DIP2C: variants seen among roughly 807,000 people sequenced by gnomAD.
DIP2C encodes disco-interacting protein 2 homolog C.
A neutral mutation model predicts 192.4 loss-of-function variants in DIP2C; 33 were observed. That is an observed-to-expected ratio of 0.17 (90% CI 0.13 to 0.23). DIP2C has a LOEUF of 0.23. Ranked by LOEUF, DIP2C falls within the 10% of genes least tolerant of loss-of-function variation. DIP2C has a pLI of 1.00. For missense variants in DIP2C, 1,537 were observed against 2,110.1 expected, an observed-to-expected ratio of 0.73 and a Z score of 5.32; for synonymous variants, 979 against 864.1, an observed-to-expected ratio of 1.13 and a Z score of -2.33.
chr10:414,404 G>A (rs945510327), intron 7 of DIP2C, among the ~76,000 whole-genome samples: 11 of 152,124 alleles, frequency 7.2e-5, no homozygotes, highest in Non-Finnish European at 5.9e-5. Flanking sequence ...CCCAGAGGCT[G>A]GAATTCAAAC....
At chr10:386,216 C>T (rs1296856650) in intron 14 of DIP2C, among the ~76,000 whole-genome samples, 1 of 152,218 alleles carries the variant, frequency 6.6e-6, no homozygotes. Context: ...GAATCACATG[C>T]GTCAAACGTG....
intron 23 of DIP2C, 106 bp downstream of exon 23, chr10:357,722 A>C: frequency 1.2e-6 from 1 of 802,704 alleles, no homozygotes; most frequent in Non-Finnish European, 2.0e-6. Context: ...GCGGACTGTC[A>C]GGGAAGGTAG....
chr10:494,184 T>C (rs574043440), intron 1 of DIP2C, among the ~76,000 whole-genome samples: 19 of 152,142 alleles, frequency 1.2e-4, no homozygotes, highest in Non-Finnish European at 2.6e-4. Flanking sequence ...ACAAGAGAAC[T>C]GCTAAGGCTA....
At chr10:353,937 G>C (rs1373876424) in intron 24 of DIP2C, among the ~76,000 whole-genome samples, 1 of 152,348 alleles carries the variant, frequency 6.6e-6, no homozygotes, top group Non-Finnish European at 1.5e-5. Context: ...TGCTGAACAG[G>C]GAAGCTGATT....
chr10:654,235 C>T (rs1172232327), intron 1 of DIP2C, among the ~76,000 whole-genome samples: 1 of 152,146 alleles, frequency 6.6e-6, no homozygotes, highest in Non-Finnish European at 1.5e-5. Flanking sequence ...TGATCTCATG[C>T]TAATCAGTGT....
chr10:327,062 G>A lies in DIP2C; in HGVS notation c.3868C>T (p.Pro1290Ser), dbSNP rs1227007365. 2.5e-6 allele frequency: 4 copies of A among 1,614,068 alleles called. No individual in the cohort carries two copies. Among genetic ancestry groups the A allele is most frequent in the East Asian group, 2.2e-5 (1 of 44,894 alleles). Residue 1290 changes from proline (P) to serine (S), a missense_variant, in exon 31 of 37, where the codon CCG becomes TCG. By Grantham distance (74) the Pro-to-Ser change is moderately conservative. Around this residue, in one of 4 missense-constraint regions of DIP2C, gnomAD observed 341 missense variants for 551.7 expected, o/e 0.62. Coordinates refer to ENST00000280886, the MANE Select transcript of DIP2C (RefSeq NM_014974.3). ...SKLFKDLGLH[P>S]RAVSTSFGCR... ...CCGAACGAGGTGCTGACGGCCCGCG[G>A]GTGAAGGCCCAGGTCCTTAAACAGC...
At chr10:394,714 CCA>C (rs1963826549) in intron 10 of DIP2C, among the ~76,000 whole-genome samples, 2 of 144,638 alleles carry the variant, frequency 1.4e-5, no homozygotes, top group Non-Finnish European at 3.0e-5. Context: ...GGACGCTAGG[CCA>C]CACAGTGGGC....
At chr10:384,879 G>A (rs1962742930) in intron 14 of DIP2C, among the ~76,000 whole-genome samples, 1 of 152,048 alleles carries the variant, frequency 6.6e-6, no homozygotes, top group African/African-American at 2.4e-5. Flanking sequence ...AGACTGCACA[G>A]GCCCCCAGGG....
At chr10:336,971 T>C (rs200668788) in intron 29 of DIP2C, among the ~76,000 whole-genome samples, 2 of 65,784 alleles carry the variant, frequency 3.0e-5, no homozygotes, top group Non-Finnish European at 4.1e-5. Flanking sequence ...TGTGGAGGCC[T>C]AGGCAGCTGT....
At chr10:509,655 C>T (rs1253077752) in intron 1 of DIP2C, among the ~76,000 whole-genome samples, 1 of 152,140 alleles carries the variant, frequency 6.6e-6, no homozygotes, top group South Asian at 2.1e-4. Context: ...CTCGTCCAGA[C>T]GAGAGAGAGG....
At chr10:382,366 A>G (rs1029045891) in intron 17 of DIP2C, among the ~76,000 whole-genome samples, 4 of 152,226 alleles carry the variant, frequency 2.6e-5, no homozygotes, top group Non-Finnish European at 5.9e-5. Context: ...AGTAAATTCC[A>G]AGGACACGGT....
chr10:640,873 C>G (rs1855156186), intron 1 of DIP2C, among the ~76,000 whole-genome samples: 1 of 152,054 alleles, frequency 6.6e-6, no homozygotes, highest in Admixed American at 6.5e-5. Flanking sequence ...GTTGGCCAAG[C>G]CACAGAGACA....
chr10:629,076 G>A (rs372796203), intron 1 of DIP2C, among the ~76,000 whole-genome samples: 307 of 152,328 alleles, frequency 2.0e-3, no homozygotes, highest in African/African-American at 5.2e-3. Context: ...AGGGGCTGCC[G>A]AGGCCAGTGG....
At chr10:601,915 C>T (rs775280624) in intron 1 of DIP2C, among the ~76,000 whole-genome samples, 3 of 152,134 alleles carry the variant, frequency 2.0e-5, no homozygotes, top group African/African-American at 7.2e-5. Context: ...TTGGCTAACA[C>T]GCGTTTTGTT....
intron 3 of DIP2C, among the ~76,000 whole-genome samples, chr10:452,278 G>C (rs1314273713): frequency 6.6e-6 from 1 of 152,200 alleles, no homozygotes; most frequent in Admixed American, 6.5e-5. Context: ...GATTCCGTCA[G>C]ACTCTACATG....
At chr10:484,945 G>A (rs766518683) in intron 2 of DIP2C, 24 of 1,606,718 alleles carry the variant, frequency 1.5e-5, no homozygotes, top group Non-Finnish European at 1.9e-5. Flanking sequence ...AGCTCCATTC[G>A]CTGCTGTAAC....
At chr10:649,445 G>T (rs537381873) in intron 1 of DIP2C, among the ~76,000 whole-genome samples, 14 of 152,368 alleles carry the variant, frequency 9.2e-5, no homozygotes, top group African/African-American at 3.4e-4. Flanking sequence ...ACTGCAGGGT[G>T]TGTCCCCTTG....
intron 1 of DIP2C, among the ~76,000 whole-genome samples, chr10:513,377 C>A (rs558380306): frequency 2.0e-5 from 3 of 152,304 alleles, no homozygotes; most frequent in Middle Eastern, 3.4e-3. Context: ...TTGTTTGTCG[C>A]GTGTTTCCCT....
chr10:429,670 A>G (rs907411442), intron 4 of DIP2C, among the ~76,000 whole-genome samples: 3 of 151,544 alleles, frequency 2.0e-5, no homozygotes, highest in African/African-American at 7.3e-5. Flanking sequence ...TTGCTAAGTG[A>G]AAGAAGTCAA....
Sources: allele counts gnomAD v4.1 joint callset (sites outside exome capture counted in the v4.1 genomes callset), GRCh38; gene constraint gnomAD v4.1.1; regional missense constraint gnomAD v4.1.1; transcripts MANE v1.5; gene names NCBI Gene and HGNC (gene_info 2026-07-23, HGNC 2026-07-21).